CA5A: variants seen among roughly 807,000 people sequenced by gnomAD.
The protein encoded by CA5A is carbonic anhydrase 5A.
Under a neutral mutation model 37.1 loss-of-function variants are expected in CA5A, and 28 were observed. The ratio of observed to expected loss-of-function variants is 0.75; its 90% CI spans 0.56 to 1.03. CA5A has a LOEUF of 1.03. Among genes scored for constraint, CA5A ranks in the 50% least tolerant of loss-of-function variants. The probability of loss-of-function intolerance (pLI) is 0.00; values close to 1 mark genes in which losing one functional copy is unlikely to be tolerated. For synonymous variants in CA5A, 171 were observed against 158.4 expected (o/e 1.08, Z -0.60); for missense variants, 444 against 399.9 (o/e 1.11, Z -0.94).
intron 2 of CA5A, among the ~76,000 whole-genome samples, chr16:87,914,009 C>G (rs1243611057): frequency 1.3e-5 from 2 of 152,226 alleles, no homozygotes; most frequent in African/African-American, 4.8e-5. Flanking sequence ...CGCTTATTTC[C>G]CCGATGACCT....
rs185216124 is a variant in CA5A, at chr16:87,920,439, A to G, written c.340+6309T>C. On this transcript the variant is annotated intron_variant, in intron 2 of 6. Transcript: ENST00000649794. ...GCAATTCTGCCTCAGCCTCCTGAGT[A>G]GCTGGGATTACAGGCATGCACCACC... 6.5e-3 allele frequency among the ~76,000 whole-genome samples: 981 copies of G among 152,068 alleles called. 11 individuals are homozygous for G. Among genetic ancestry groups the G allele is most frequent in the African/African-American group, 0.022 (932 of 41,466 alleles).
chr16:87,905,678 G>C (rs867213594), intron 2 of CA5A, among the ~76,000 whole-genome samples: 30 of 152,226 alleles, frequency 2.0e-4, no homozygotes, highest in African/African-American at 7.2e-4. Flanking sequence ...CTTTAAATAA[G>C]AAGACCCTGA....
intron 2 of CA5A, among the ~76,000 whole-genome samples, chr16:87,909,939 G>A (rs1462960220): frequency 1.3e-5 from 2 of 152,142 alleles, no homozygotes; most frequent in African/African-American, 4.8e-5. Flanking sequence ...TCTAGGTCCA[G>A]CTTTTGCACC....
chr16:87,899,089 G>A (rs1171745316), intron 5 of CA5A, among the ~76,000 whole-genome samples: 4 of 151,976 alleles, frequency 2.6e-5, no homozygotes, highest in African/African-American at 9.7e-5. Flanking sequence ...AGGCTCAGAG[G>A]TGCGCAGCTC....
rs149154082 is a variant in CA5A at position 87,891,928 on chromosome 16, G to A, written c.645C>T (p.Phe215=). The A allele has an allele frequency of 0.018, 27,494 of 1,557,244 alleles. 254 individuals carry two copies. Among genetic ancestry groups the A allele is most frequent in the Non-Finnish European group, 0.02 (23,602 of 1,152,684 alleles). Residue 215 remains phenylalanine (F), a synonymous_variant, in exon 6 of 7, where the codon TTC becomes TTT. Transcript: ENST00000649794. ...AGGTGGGCAGCAGAGTGGAGGGGTC[G>A]AAGGGGCGCATGGCCGCCCGCGCGT... is the stretch of plus-strand genomic sequence containing the variant. ...HKDARAAMRP[F]DPSTLLPTCW... is the part of the protein sequence containing the mutation.
chr16:87,930,041 A>G (rs1382433012), intron 1 of CA5A, among the ~76,000 whole-genome samples: 1 of 152,206 alleles, frequency 6.6e-6, no homozygotes, highest in East Asian at 1.9e-4. Flanking sequence ...GATGATAGAT[A>G]GTAGGATGGT....
At chr16:87,890,745 A>G (rs1296368281) in intron 6 of CA5A, among the ~76,000 whole-genome samples, 2 of 152,052 alleles carry the variant, frequency 1.3e-5, no homozygotes, top group African/African-American at 2.4e-5. Flanking sequence ...CCTCCCAAGT[A>G]GCTGGGATTA....
chr16:87,912,844 C>T (rs565916526), intron 2 of CA5A, among the ~76,000 whole-genome samples: 9 of 152,338 alleles, frequency 5.9e-5, no homozygotes, highest in South Asian at 2.1e-4. Flanking sequence ...ACCCTGGTGA[C>T]AGCAGCCACC....
intron 5 of CA5A, among the ~76,000 whole-genome samples, chr16:87,894,098 A>C (rs1324365631): frequency 6.6e-6 from 1 of 152,100 alleles, no homozygotes; most frequent in Non-Finnish European, 1.5e-5. Context: ...GTGATTGCTG[A>C]ATCATAGGGT....
At position 87,891,842 on chromosome 16, in the gene CA5A, G is replaced by A. The variant is rs2055719033; in HGVS notation, c.731C>T (p.Thr244Ile). The A allele has an allele frequency of 6.3e-7, 1 of 1,578,298 alleles. No individual in the cohort carries two copies. Among genetic ancestry groups the A allele is most frequent in the African/African-American group, 1.4e-5 (1 of 72,696 alleles). The change falls in exon 6 of 7, where the codon ACC becomes ATC. Residue 244 changes from threonine to isoleucine, a missense_variant. Coordinates refer to ENST00000649794, the MANE Select transcript of CA5A (RefSeq NM_001739.2). ...AACGGGCTCCTTCTGGATGATCCAG[G>A]TGACCGACTCGGTCAGCGGCGGGGT... ...LTTPPLTESV[T>I]WIIQKEPVEV...
chr16:87,931,820 A>T (rs540813664), intron 1 of CA5A, among the ~76,000 whole-genome samples: 6 of 152,204 alleles, frequency 3.9e-5, no homozygotes, highest in Non-Finnish European at 8.8e-5. Flanking sequence ...CACGCGATAG[A>T]CAACTATGGA....
rs909208868 is a variant in CA5A at position 87,909,834 on chromosome 16, A to G, written c.341-4930T>C. On this transcript the variant is annotated intron_variant, in intron 2 of 6. Transcript: ENST00000649794. ...AAAAACTGGAAAGCCGTGTTTCGTT[A>G]CTCTTCCTGTAGACAACACAGCATG... Among the ~76,000 whole-genome samples the G allele has an allele frequency of 7.2e-5, 11 of 151,936 alleles. 1 individual carries two copies. Among genetic ancestry groups the G allele is most frequent in the Admixed American group, 4.6e-4 (7 of 15,252 alleles).
At chr16:87,925,369 C>G (rs1313201395) in intron 2 of CA5A, among the ~76,000 whole-genome samples, 1 of 152,182 alleles carries the variant, frequency 6.6e-6, no homozygotes, top group Non-Finnish European at 1.5e-5. Flanking sequence ...CCAGGGAAGA[C>G]GGACAGGACG....
At chr16:87,930,537 A>T (rs1449058560) in intron 1 of CA5A, among the ~76,000 whole-genome samples, 2 of 151,914 alleles carry the variant, frequency 1.3e-5, no homozygotes, top group South Asian at 4.2e-4. Context: ...CTTCCCTATT[A>T]AAGTGGACGT....
At chr16:87,895,451 A>G (rs2055788380) in intron 5 of CA5A, among the ~76,000 whole-genome samples, 2 of 152,210 alleles carry the variant, frequency 1.3e-5, no homozygotes, top group Admixed American at 6.5e-5. Flanking sequence ...AGGCTGAGGC[A>G]GGAGAATCAC....
chr16:87,898,100 G>T (rs1281176654), intron 5 of CA5A, among the ~76,000 whole-genome samples: 8 of 152,194 alleles, frequency 5.3e-5, no homozygotes, highest in Non-Finnish European at 1.2e-4. Context: ...CCCAGGGAGT[G>T]ACCGTGGCAG....
At chr16:87,893,487 C>T in intron 5 of CA5A, 1 of 553,444 alleles carries the variant, frequency 1.8e-6, no homozygotes, top group Non-Finnish European at 3.5e-6. Context: ...TCCGTGATTA[C>T]CTTCATCTGT....
At chr16:87,913,347 G>T (rs1401542405) in intron 2 of CA5A, among the ~76,000 whole-genome samples, 4 of 144,170 alleles carry the variant, frequency 2.8e-5, no homozygotes, top group Non-Finnish European at 5.9e-5. Context: ...CTGTCACCCA[G>T]GCTGGAGTGC....
intron 1 of CA5A, among the ~76,000 whole-genome samples, chr16:87,931,640 C>G (rs536923956): frequency 1.3e-5 from 2 of 152,230 alleles, no homozygotes; most frequent in African/African-American, 4.8e-5. Flanking sequence ...CCTGGAGTGC[C>G]TTCCCACGCA....
Sources: gnomAD v4.1 joint callset for allele counts (sites outside exome capture counted in the v4.1 genomes callset) on GRCh38, gnomAD v4.1.1 for gene constraint, MANE v1.5 for transcripts, NCBI Gene and HGNC (gene_info 2026-07-23, HGNC 2026-07-21) for gene names.